Variants in NLN observed in about 807,000 individuals in gnomAD.
NLN encodes the protein neurolysin.
A neutral mutation model predicts 79.9 loss-of-function variants in NLN; 64 were observed. The observed-to-expected ratio is 0.80, with a 90% CI of 0.65 to 0.99. The LOEUF (loss-of-function observed/expected upper bound fraction) is 0.99, where lower values mean the gene tolerates loss of function less well. Among genes scored for constraint, NLN ranks in the 50% least tolerant of loss-of-function variants. The pLI, the probability that NLN is intolerant of heterozygous loss-of-function variation, is 0.00. For missense variants in NLN, 835 were observed against 858.7 expected (o/e 0.97, Z 0.34); for synonymous variants, 267 against 296.6 (o/e 0.90, Z 1.02).
intron 6 of NLN, among the ~76,000 whole-genome samples, chr5:65,784,717 A>G (rs535869494): frequency 6.6e-6 from 1 of 152,352 alleles, no homozygotes; most frequent in African/African-American, 2.4e-5. Context: ...GGCATTAAGT[A>G]TATTCACATT....
chr5:65,750,179 G>A (rs1431063977), intron 1 of NLN, among the ~76,000 whole-genome samples: 1 of 152,212 alleles, frequency 6.6e-6, no homozygotes, highest in Non-Finnish European at 1.5e-5. Flanking sequence ...CTGTCCGTTC[G>A]AACTTTCTGC....
chr5:65,758,459 T>A (rs1759267407), intron 1 of NLN, 108 bp from the exon 2 acceptor site: 4 of 747,194 alleles, frequency 5.4e-6, no homozygotes, highest in African/African-American at 1.8e-5. Flanking sequence ...CTTGTTTTTT[T>A]AAAAAGGTTC....
chr5:65,802,131 C>T (rs548370823), intron 9 of NLN, among the ~76,000 whole-genome samples: 1 of 152,218 alleles, frequency 6.6e-6, no homozygotes. Flanking sequence ...TACCTTTGCC[C>T]AGGTTTTGCT....
chr5:65,822,747 A>C, intron 12 of NLN, 34 bp from the exon 13 acceptor site: 1 of 1,568,546 alleles, frequency 6.4e-7, no homozygotes, highest in Non-Finnish European at 8.8e-7. Context: ...TGCTAGAACC[A>C]TGAATTATTA....
chr5:65,740,622 G>A (rs973627114), intron 1 of NLN, among the ~76,000 whole-genome samples: 2 of 151,610 alleles, frequency 1.3e-5, no homozygotes, highest in East Asian at 1.9e-4. Context: ...AATTTCATTC[G>A]ACTGCATGTG....
At chr5:65,750,219 T>C (rs1759074233) in intron 1 of NLN, among the ~76,000 whole-genome samples, 1 of 152,234 alleles carries the variant, frequency 6.6e-6, no homozygotes, top group African/African-American at 2.4e-5. Context: ...ATCTGTGCTG[T>C]CTAGTGTGGT....
intron 6 of NLN, among the ~76,000 whole-genome samples, chr5:65,781,994 G>C (rs1441098695): frequency 6.6e-6 from 1 of 152,160 alleles, no homozygotes; most frequent in South Asian, 2.1e-4. Flanking sequence ...AACACTCCCA[G>C]TGATGGCATA....
intron 8 of NLN, among the ~76,000 whole-genome samples, chr5:65,792,240 A>G (rs972724860): frequency 6.6e-6 from 1 of 152,266 alleles, no homozygotes; most frequent in Admixed American, 6.5e-5. Context: ...TCAATAAAAG[A>G]AACTTCGGAG....
At chr5:65,791,334 G>A (rs1760053258) in intron 8 of NLN, among the ~76,000 whole-genome samples, 1 of 152,170 alleles carries the variant, frequency 6.6e-6, no homozygotes, top group African/African-American at 2.4e-5. Flanking sequence ...AAGGAGGGCA[G>A]ATCACCTGAG....
intron 9 of NLN, 34 bp downstream of exon 9, chr5:65,792,689 A>T: frequency 1.3e-6 from 2 of 1,529,292 alleles, no homozygotes; most frequent in Non-Finnish European, 1.8e-6. Context: ...AAACCTGCCA[A>T]TTAGTTTTTT....
chr5:65,813,087 C>T (rs1760589696), intron 12 of NLN, among the ~76,000 whole-genome samples: 1 of 152,184 alleles, frequency 6.6e-6, no homozygotes, highest in Admixed American at 6.5e-5. Flanking sequence ...CAAAATCAGG[C>T]TCTCTGTACT....
At position 65,758,589 on chromosome 5, in the gene NLN, C is replaced by T; in HGVS notation, c.64C>T (p.Leu22Phe). The T allele has an allele frequency of 6.2e-7, 1 of 1,609,250 alleles. No individual in the cohort carries two copies. The highest frequency in any genetic ancestry group is 1.1e-5 in the South Asian group (1 of 90,896). ...TAGAGTTGGTGGTTCCAGGATTTTA[C>T]TCAGAATGACGTTAGGAAGAGAAGT... ...LRRVGGSRIL[L>F]RMTLGREVMS... Residue 22 changes from leucine to phenylalanine, a missense_variant, in exon 2 of 13, where the codon CTC becomes TTC. Physicochemically the swap from Leu to Phe is conservative, Grantham distance 22 (BLOSUM62 0). Transcript: ENST00000380985.
intron 3 of NLN, among the ~76,000 whole-genome samples, chr5:65,766,115 G>C (rs1049137177): frequency 6.6e-6 from 1 of 152,150 alleles, no homozygotes; most frequent in Non-Finnish European, 1.5e-5. Flanking sequence ...TCTGACTTGG[G>C]GTCTGACATG....
rs570946587 is a variant in NLN at position 65,766,918 on chromosome 5, C to A, written c.450+3810C>A. ...AAAACTCCAAAATCTCCTTTGACTC[C>A]ATGTCTCACATCCAGGGCGCACTGA... On this transcript the variant is annotated intron_variant, in intron 3 of 12. Transcript: ENST00000380985. Among the ~76,000 whole-genome samples the A allele has an allele frequency of 2.0e-5, 3 of 152,342 alleles. No individual in the cohort carries two copies. In the South Asian group the frequency reaches 6.2e-4, roughly 32 times the overall value.
rs1203500954 is a variant in NLN at position 65,734,494 on chromosome 5, G to T, written c.41+12080G>T. On this transcript the variant is annotated intron_variant, in intron 1 of 12. Coordinates refer to ENST00000380985, the MANE Select transcript of NLN (RefSeq NM_020726.5). ...CTAGAATGATGCAGGAGTTACCCTCGCACGGATGGTTATTTAAAAATGTCA... is the reference window on the plus strand; with the variant it reads ...CTAGAATGATGCAGGAGTTACCCTCTCACGGATGGTTATTTAAAAATGTCA... 6.5e-4 allele frequency among the ~76,000 whole-genome samples: 58 copies of T among 88,694 alleles called. 8 individuals are homozygous for T. The Middle Eastern group carries it at 0.022, about 33-fold the overall frequency. 58.2% of individuals were successfully genotyped at this position (88,694 alleles called of 152,430 possible). A position where few individuals can be genotyped will look rare whatever the true frequency, so the allele number is the denominator to read the frequency against.
chr5:65,742,265 T>C (rs1295012254), intron 1 of NLN, among the ~76,000 whole-genome samples: 1 of 142,122 alleles, frequency 7.0e-6, no homozygotes, highest in Non-Finnish European at 1.6e-5. Context: ...ATAATCATTG[T>C]TCTTAAGTCT....
At chr5:65,788,576 C>T in intron 8 of NLN, 92 bp downstream of exon 8, 1 of 1,310,460 alleles carries the variant, frequency 7.6e-7, no homozygotes, top group Non-Finnish European at 1.1e-6. Flanking sequence ...TGGCTCATGC[C>T]TGTAATCCCA....
At position 65,826,533 on chromosome 5, in the gene NLN, G is replaced by C. The variant is rs574700394; in HGVS notation, c.*3618G>C. ...TCTTCCCTCAAATCAACACATTACA[G>C]TTAGATGTCTCCCATCTGAAATTGG... On this transcript the variant is annotated 3_prime_UTR_variant, in exon 13 of 13. Transcript: ENST00000380985. 1 of 152,320 alleles carries C rather than the reference G, an allele frequency of 6.6e-6. No homozygotes were observed. Among genetic ancestry groups the C allele is most frequent in the East Asian group, 1.9e-4 (1 of 5,188 alleles). 9.4% of individuals were successfully genotyped at this position (152,320 alleles called of 1,614,324 possible). A position where few individuals can be genotyped will look rare whatever the true frequency, so the allele number is the denominator to read the frequency against.
chr5:65,771,033 G>T (rs1759555813), intron 3 of NLN, among the ~76,000 whole-genome samples: 1 of 152,118 alleles, frequency 6.6e-6, no homozygotes, highest in East Asian at 1.9e-4. Context: ...AAATGCAACG[G>T]TATTATTAAT....
Sources: gnomAD v4.1 joint callset for allele counts (sites outside exome capture counted in the v4.1 genomes callset) on GRCh38, gnomAD v4.1.1 for gene constraint, MANE v1.5 for transcripts, NCBI Gene and HGNC (gene_info 2026-07-23, HGNC 2026-07-21) for gene names.